Variants in FBXL4 observed in about 807,000 individuals in gnomAD.
FBXL4 encodes F-box and leucine rich repeat protein 4.
In FBXL4, 40 loss-of-function variants were observed where a neutral mutation model predicts 58.9. That is an observed-to-expected ratio of 0.68 (90% CI 0.53 to 0.88). The LOEUF (loss-of-function observed/expected upper bound fraction) is 0.88, where lower values mean the gene tolerates loss of function less well. Among genes scored for constraint, FBXL4 ranks in the 40% least tolerant of loss-of-function variants. The probability of loss-of-function intolerance (pLI) is 0.00; values close to 1 mark genes in which losing one functional copy is unlikely to be tolerated. For missense variants in FBXL4, 676 were observed against 734.4 expected (o/e 0.92, Z 0.92); for synonymous variants, 263 against 265.5 (o/e 0.99, Z 0.09).
intron 2 of FBXL4, among the ~76,000 whole-genome samples, chr6:98,932,419 T>G (rs2128408736): frequency 6.6e-6 from 1 of 152,294 alleles, no homozygotes; most frequent in East Asian, 1.9e-4. Flanking sequence ...CAACTTAGGT[T>G]TAAACCACAT....
chr6:98,923,639 G>T (rs1454063124), intron 4 of FBXL4, among the ~76,000 whole-genome samples: 1 of 152,076 alleles, frequency 6.6e-6, no homozygotes, highest in Non-Finnish European at 1.5e-5. Flanking sequence ...TCTCCCCTCT[G>T]CCAATACATG....
chr6:98,926,575 T>C lies in FBXL4; in HGVS notation c.414A>G (p.Thr138=). 1 of 1,614,216 alleles carries C rather than the reference T, an allele frequency of 6.2e-7. No homozygotes were observed. The highest frequency in any genetic ancestry group is 8.5e-7 in the Non-Finnish European group (1 of 1,180,034). ...ELTFEQQVYP[T]AVHVLETYHP... ...GATAGGTTTCTAGAACATGTACAGC[T>C]GTAGGATACACCTGTTGTTCAAAAG... The change falls in exon 4 of 10, where the codon ACA becomes ACG. Residue 138 remains threonine, a synonymous_variant. Transcript: ENST00000369244.
intron 5 of FBXL4, among the ~76,000 whole-genome samples, chr6:98,911,511 T>C (rs1268762026): frequency 6.6e-6 from 1 of 152,196 alleles, no homozygotes; most frequent in Non-Finnish European, 1.5e-5. Context: ...GACAGCAGCA[T>C]TCGCGGATCA....
chr6:98,873,375 T>G lies in FBXL4; in HGVS notation c.*903A>C, dbSNP rs1041659293. The G allele has an allele frequency of 6.7e-6, 1 of 149,086 alleles. No individual in the cohort carries two copies. The highest frequency in any genetic ancestry group is 1.5e-5 in the Non-Finnish European group (1 of 67,444). The allele number at this position is 149,086 out of a possible 1,614,324, so 9.2% of individuals were successfully genotyped here. A position where few individuals can be genotyped will look rare whatever the true frequency, so the allele number is the denominator to read the frequency against. On this transcript the variant is annotated 3_prime_UTR_variant, in exon 10 of 10. Coordinates refer to ENST00000369244, the MANE Select transcript of FBXL4 (RefSeq NM_001278716.2). ...ATATATAATGTGTATATATAATATA[T>G]ATCTCCACATTTATGTTTTTTTATA...
chr6:98,935,002 C>T (rs981081341), intron 1 of FBXL4, 123 bp from the exon 2 acceptor site: 1 of 152,140 alleles, frequency 6.6e-6, no homozygotes. Flanking sequence ...TTAGACTGTG[C>T]AAAAACCTCT....
chr6:98,880,147 A>G (rs2128378652), intron 8 of FBXL4, among the ~76,000 whole-genome samples: 1 of 152,282 alleles, frequency 6.6e-6, no homozygotes, highest in African/African-American at 2.4e-5. Flanking sequence ...CCTATCTATT[A>G]TCATTAAAAT....
chr6:98,871,487 A>G lies in FBXL4; in HGVS notation c.*2791T>C, dbSNP rs892046313. 1 of 152,234 alleles carries G rather than the reference A, an allele frequency of 6.6e-6. No individual in the cohort carries two copies. The highest frequency in any genetic ancestry group is 1.5e-5 in the Non-Finnish European group (1 of 68,044). 9.4% of individuals were successfully genotyped at this position (152,234 alleles called of 1,614,324 possible). A position where few individuals can be genotyped will look rare whatever the true frequency, so the allele number is the denominator to read the frequency against. On this transcript the variant is annotated 3_prime_UTR_variant, in exon 10 of 10. Transcript: ENST00000369244. ...ACAAGCATGAATATTTTATAAGAAG[A>G]AAACACAAATTTCATGCAACCTGAA... is the stretch of plus-strand genomic sequence containing the variant.
chr6:98,930,893 A>G (rs775648607), intron 2 of FBXL4, among the ~76,000 whole-genome samples: 3 of 152,252 alleles, frequency 2.0e-5, no homozygotes, highest in Non-Finnish European at 4.4e-5. Flanking sequence ...GAAGTTGACT[A>G]TTCTCTTTTC....
At chr6:98,941,024 G>A (rs1773412135) in intron 1 of FBXL4, among the ~76,000 whole-genome samples, 1 of 152,104 alleles carries the variant, frequency 6.6e-6, no homozygotes, top group Non-Finnish European at 1.5e-5. Flanking sequence ...TTATTATAAA[G>A]GTCCATCCGC....
At chr6:98,890,243 A>G (rs2128384830) in intron 7 of FBXL4, among the ~76,000 whole-genome samples, 1 of 152,324 alleles carries the variant, frequency 6.6e-6, no homozygotes, top group Non-Finnish European at 1.5e-5. Context: ...CCAAATTAGT[A>G]TTCTCCATTC....
intron 7 of FBXL4, among the ~76,000 whole-genome samples, chr6:98,892,902 C>T (rs1322470592): frequency 6.6e-6 from 1 of 152,166 alleles, no homozygotes; most frequent in Non-Finnish European, 1.5e-5. Flanking sequence ...TCAGTTTTTT[C>T]ACTTCTTCAG....
chr6:98,931,584 T>C (rs939046978), intron 2 of FBXL4, among the ~76,000 whole-genome samples: 8 of 152,172 alleles, frequency 5.3e-5, no homozygotes, highest in Non-Finnish European at 8.8e-5. Flanking sequence ...AGCAAATATA[T>C]TTATTCTTTT....
Position 98,871,539 on chromosome 6 carries a change from C to T in FBXL4, c.*2739G>A, listed in dbSNP as rs1021624220. ...TAGAATCTGCTAAGATGTGTTACAACTGGTGGTGTTAAAAATGTGTGAAGC... is the reference window on the plus strand; with the variant it reads ...TAGAATCTGCTAAGATGTGTTACAATTGGTGGTGTTAAAAATGTGTGAAGC... On this transcript the variant is annotated 3_prime_UTR_variant, in exon 10 of 10. Coordinates refer to ENST00000369244, the MANE Select transcript of FBXL4 (RefSeq NM_001278716.2). The T allele has an allele frequency of 6.6e-6, 1 of 152,166 alleles. No individual in the cohort carries two copies. Among genetic ancestry groups the T allele is most frequent in the African/African-American group, 2.4e-5 (1 of 41,438 alleles). The allele number at this position is 152,166 out of a possible 1,614,324, so 9.4% of individuals were successfully genotyped here. A position where few individuals can be genotyped will look rare whatever the true frequency, so the allele number is the denominator to read the frequency against.
intron 4 of FBXL4, among the ~76,000 whole-genome samples, chr6:98,920,296 G>A (rs148789607): frequency 1.3e-5 from 2 of 152,022 alleles, no homozygotes; most frequent in Non-Finnish European, 2.9e-5. Flanking sequence ...AACATTTCTA[G>A]CATGTTTAAA....
intron 4 of FBXL4, among the ~76,000 whole-genome samples, chr6:98,925,432 C>A (rs1215361562): frequency 6.6e-6 from 1 of 151,988 alleles, no homozygotes; most frequent in Non-Finnish European, 1.5e-5. Flanking sequence ...TTAAACATTA[C>A]AAAATTATCA....
chr6:98,911,867 C>T (rs923646622), intron 5 of FBXL4, among the ~76,000 whole-genome samples: 1 of 152,158 alleles, frequency 6.6e-6, no homozygotes, highest in Non-Finnish European at 1.5e-5. Context: ...TTCAGACGAT[C>T]AAACTACTCC....
Position 98,875,658 on chromosome 6 carries a change from A to G in FBXL4, c.1459T>C (p.Trp487Arg), listed in dbSNP as rs2128375745. Reference sequence around the variant, plus strand: ...TTCTCAGTAATATTCTTACATCTCCACAGATCCAGGGTCCGGAGTTTTTTA... The same window carrying G: ...TTCTCAGTAATATTCTTACATCTCCGCAGATCCAGGGTCCGGAGTTTTTTA... ...KCKKLRTLDL[W>R]RCKNITENGI... is the part of the protein sequence containing the mutation. The change falls in exon 9 of 10, where the codon TGG becomes CGG. Residue 487 changes from tryptophan (W) to arginine (R), a missense_variant. Transcript: ENST00000369244. The G allele has an allele frequency of 1.9e-6, 3 of 1,613,682 alleles. No homozygotes were observed. Among genetic ancestry groups the G allele is most frequent in the Non-Finnish European group, 2.5e-6 (3 of 1,179,722 alleles).
At chr6:98,879,631 C>T (rs1770772694) in intron 8 of FBXL4, among the ~76,000 whole-genome samples, 1 of 151,952 alleles carries the variant, frequency 6.6e-6, no homozygotes, top group African/African-American at 2.4e-5. Flanking sequence ...ACCTGTAATC[C>T]CGGCAATTTG....
intron 5 of FBXL4, among the ~76,000 whole-genome samples, chr6:98,916,760 T>C (rs1356307874): frequency 6.6e-6 from 1 of 150,870 alleles, no homozygotes; most frequent in East Asian, 1.9e-4. Context: ...ATGGCACATG[T>C]ATACATATGT....
Sources: allele counts gnomAD v4.1 joint callset (sites outside exome capture counted in the v4.1 genomes callset), GRCh38; gene constraint gnomAD v4.1.1; transcripts MANE v1.5; gene names NCBI Gene and HGNC (gene_info 2026-07-23, HGNC 2026-07-21).